CYP4A22: variants seen among roughly 807,000 people sequenced by gnomAD.
CYP4A22 encodes the protein cytochrome P450 4A22.
In CYP4A22, 46 loss-of-function variants were observed where a neutral mutation model predicts 56.2. That is an observed-to-expected ratio of 0.82 (90% CI 0.65 to 1.05). The LOEUF is 1.05. CYP4A22 is among the 50% of genes least tolerant of loss of function. The pLI, the probability that CYP4A22 is intolerant of heterozygous loss-of-function variation, is 0.00. For synonymous variants in CYP4A22, 193 were observed against 251.1 expected (o/e 0.77, Z 2.19); for missense variants, 541 against 645.9 (o/e 0.84, Z 1.76).
intron 1 of CYP4A22, among the ~76,000 whole-genome samples, chr1:47,140,350 T>C (rs1644993973): frequency 6.6e-6 from 1 of 152,236 alleles, no homozygotes; most frequent in South Asian, 2.1e-4. Flanking sequence ...TTACCATATA[T>C]TCTGGGACAA....
chr1:47,141,045 C>T lies in CYP4A22; in HGVS notation c.337+124C>T, dbSNP rs1361919756. ...AATATCTGAAACCTCTCCCACGCAT[C>T]CACCAAGCCCACCATGCCCAGGCTG... is the stretch of plus-strand genomic sequence containing the variant. On this transcript the variant is annotated intron_variant, in intron 2 of 11. Coordinates refer to ENST00000371891, the MANE Select transcript of CYP4A22 (RefSeq NM_001010969.4). The T allele has an allele frequency of 3.6e-6, 5 of 1,402,720 alleles. No individual in the cohort carries two copies. In the African/African-American group the frequency reaches 4.3e-5, roughly 12 times the overall value. The allele number at this position is 1,402,720 out of a possible 1,614,324, so 86.9% of individuals were successfully genotyped here. A position where few individuals can be genotyped will look rare whatever the true frequency, so the allele number is the denominator to read the frequency against.
chr1:47,145,583 G>A (rs571694214), intron 9 of CYP4A22, among the ~76,000 whole-genome samples: 1 of 152,310 alleles, frequency 6.6e-6, no homozygotes, highest in African/African-American at 2.4e-5. Context: ...ATGACCCTTG[G>A]AGAATATTTG....
At chr1:47,145,833 C>A (rs35003586) in intron 9 of CYP4A22, 33 bp from the exon 10 acceptor site, 9 of 1,613,354 alleles carry the variant, frequency 5.6e-6, no homozygotes, top group Non-Finnish European at 5.9e-6. Flanking sequence ...TGCAAATGAT[C>A]GGTCTTCTCT....
chr1:47,148,391 T>C (rs11211466), intron 11 of CYP4A22, among the ~76,000 whole-genome samples: 24,273 of 151,998 alleles, frequency 0.16, 2,123 homozygotes, highest in South Asian at 0.25. Flanking sequence ...GAGTTAGGAG[T>C]TAGCCCAGGA....
At chr1:47,140,650 C>T in intron 1 of CYP4A22, 130 bp from the exon 2 acceptor site, 1 of 1,389,500 alleles carries the variant, frequency 7.2e-7, no homozygotes, top group South Asian at 1.4e-5. Context: ...TGGATCACAG[C>T]TCAGGTCATC....
Position 47,145,874 on chromosome 1 carries a change from GTCC to G in CYP4A22, c.1237_1239del (p.Leu413del). 6.2e-7 allele frequency: 1 copy of G among 1,614,082 alleles called. No individual in the cohort carries two copies. The highest frequency in any genetic ancestry group is 8.5e-7 in the Non-Finnish European group (1 of 1,180,014). On this transcript the variant is annotated inframe_deletion, in exon 10 of 12. Coordinates refer to ENST00000371891, the MANE Select transcript of CYP4A22 (RefSeq NM_001010969.4). ...TCCAACCTGCACCACAGGTATCATGGTCCTCCTCTCCATTTATGGCCTTCACCA... is the reference window on the plus strand; with the variant it reads ...TCCAACCTGCACCACAGGTATCATGGTCCTCTCCATTTATGGCCTTCACCA...
At chr1:47,143,957 C>G in intron 6 of CYP4A22, 41 bp downstream of exon 6, 2 of 1,579,716 alleles carry the variant, frequency 1.3e-6, no homozygotes, top group African/African-American at 1.3e-5. Flanking sequence ...TTCCCAGGCA[C>G]AGTGAAAGTA....
At chr1:47,138,661 G>A (rs538719859) in intron 1 of CYP4A22, among the ~76,000 whole-genome samples, 5 of 152,316 alleles carry the variant, frequency 3.3e-5, no homozygotes, top group Non-Finnish European at 7.3e-5. Flanking sequence ...TATCATTAGT[G>A]TTCGTGTATT....
At chr1:47,140,084 A>G (rs1274880197) in intron 1 of CYP4A22, among the ~76,000 whole-genome samples, 3 of 152,232 alleles carry the variant, frequency 2.0e-5, no homozygotes, top group Non-Finnish European at 4.4e-5. Flanking sequence ...GGGCTTTGTG[A>G]TCCACATCGA....
At position 47,144,728 on chromosome 1, in the gene CYP4A22, C is replaced by G. The variant is rs773433358; in HGVS notation, c.1076C>G (p.Ala359Gly). ...ATCCATGGCCTCCTGGGTGATGGAGCCTCCATCACCTGGTGAGTGAGGGCT... is the reference window on the plus strand; with the variant it reads ...ATCCATGGCCTCCTGGGTGATGGAGGCTCCATCACCTGGTGAGTGAGGGCT... ...EEIHGLLGDG[A>G]SITWNHLDQM... Residue 359 changes from alanine (A) to glycine (G), a missense_variant, in exon 8 of 12, where the codon GCC becomes GGC. Coordinates refer to ENST00000371891, the MANE Select transcript of CYP4A22 (RefSeq NM_001010969.4). 6.2e-7 allele frequency: 1 copy of G among 1,613,946 alleles called. No individual in the cohort carries two copies. Among genetic ancestry groups the G allele is most frequent in the South Asian group, 1.1e-5 (1 of 91,062 alleles).
chr1:47,142,886 C>T (rs1445270843), intron 4 of CYP4A22, among the ~76,000 whole-genome samples: 4 of 152,230 alleles, frequency 2.6e-5, no homozygotes, highest in Admixed American at 1.3e-4. Context: ...AAGTTGGTGT[C>T]CTACTAGTCC....
chr1:47,148,323 G>T (rs193146647), intron 11 of CYP4A22, among the ~76,000 whole-genome samples: 1 of 152,340 alleles, frequency 6.6e-6, no homozygotes, highest in Non-Finnish European at 1.5e-5. Context: ...GTGCCTTAGA[G>T]CCCTGGCCCT....
At chr1:47,148,565 A>T in intron 11 of CYP4A22, 37 bp from the exon 12 acceptor site, 1 of 1,572,434 alleles carries the variant, frequency 6.4e-7, no homozygotes, top group Non-Finnish European at 8.6e-7. Flanking sequence ...ATGGGGCCTG[A>T]GGACACGTCT....
chr1:47,148,370 G>A (rs1645097349), intron 11 of CYP4A22, among the ~76,000 whole-genome samples: 1 of 152,234 alleles, frequency 6.6e-6, no homozygotes, highest in African/African-American at 2.4e-5. Flanking sequence ...GAGAGCAGAG[G>A]TAGAAGGTAG....
chr1:47,140,858 G>A lies in CYP4A22; in HGVS notation c.274G>A (p.Gly92Arg). The A allele has an allele frequency of 3.1e-6, 5 of 1,614,146 alleles. No homozygotes were observed. Among genetic ancestry groups the A allele is most frequent in the Non-Finnish European group, 3.4e-6 (4 of 1,180,016 alleles). The change falls in exon 2 of 12, where the codon GGA becomes AGA. Residue 92 changes from glycine (G) to arginine (R), a missense_variant. By Grantham distance (125) the Gly-to-Arg change is moderately radical. Coordinates refer to ENST00000371891, the MANE Select transcript of CYP4A22 (RefSeq NM_001010969.4). Reference protein sequence around the residue: ...FPSACPYWIWGGKVRVQLYDP... With the variant: ...FPSACPYWIWRGKVRVQLYDP... ...AAGTGCCTGTCCTTATTGGATATGG[G>A]GAGGCAAAGTTCGTGTCCAGCTCTA...
chr1:47,139,463 T>C (rs1021748773), intron 1 of CYP4A22, among the ~76,000 whole-genome samples: 3 of 152,212 alleles, frequency 2.0e-5, no homozygotes, highest in Admixed American at 2.0e-4. Context: ...TCTTCAAAGC[T>C]TCCCCAGATG....
chr1:47,141,096 G>C (rs1202421330), intron 2 of CYP4A22, among the ~76,000 whole-genome samples, 175 bp downstream of exon 2: 4 of 152,156 alleles, frequency 2.6e-5, no homozygotes, highest in African/African-American at 4.8e-5. Context: ...ACTGAATACT[G>C]AATGTTTAAA....
chr1:47,138,536 A>G (rs1330943655), intron 1 of CYP4A22, among the ~76,000 whole-genome samples: 1 of 152,178 alleles, frequency 6.6e-6, no homozygotes, highest in Non-Finnish European at 1.5e-5. Context: ...TGTCCAACCC[A>G]TGCCCCATGG....
At chr1:47,138,612 A>G (rs1294999410) in intron 1 of CYP4A22, among the ~76,000 whole-genome samples, 2 of 152,202 alleles carry the variant, frequency 1.3e-5, no homozygotes, top group Admixed American at 6.5e-5. Flanking sequence ...TTCTTAAAAC[A>G]TTATGAGATT....
Sources: gnomAD v4.1 joint callset for allele counts (sites outside exome capture counted in the v4.1 genomes callset) on GRCh38, gnomAD v4.1.1 for gene constraint, MANE v1.5 for transcripts, NCBI Gene and HGNC (gene_info 2026-07-23, HGNC 2026-07-21) for gene names.